LSP1: variants seen among roughly 807,000 people sequenced by gnomAD.
The protein encoded by LSP1 is lymphocyte-specific protein 1.
LSP1 carries 32 observed loss-of-function variants against 49.3 expected under a neutral mutation model. The ratio of observed to expected loss-of-function variants is 0.65; its 90% CI spans 0.49 to 0.87. The LOEUF is 0.87. LSP1 is among the 40% of genes least tolerant of loss of function. The pLI is 0.00. For synonymous variants in LSP1, 179 were observed against 178.8 expected (o/e 1.00, Z -0.01); for missense variants, 428 against 442.6 (o/e 0.97, Z 0.30).
intron 7 of LSP1, among the ~76,000 whole-genome samples, chr11:1,886,060 C>A (rs1249889537): frequency 6.6e-6 from 1 of 151,904 alleles, no homozygotes; most frequent in Non-Finnish European, 1.5e-5. Flanking sequence ...ATCAATATTC[C>A]TCCATCCAAC....
rs376543200 is a variant in LSP1, at chr11:1,884,065, C to T, written c.591+41C>T. 2.8e-5 allele frequency: 44 copies of T among 1,568,888 alleles called. No homozygotes were observed. Among genetic ancestry groups the T allele is most frequent in the Middle Eastern group, 3.4e-4 (2 of 5,888 alleles). On this transcript the variant is annotated intron_variant, in intron 5 of 10. Transcript: ENST00000311604. This position sits in a 1 kb window ranked among gnomAD's most constrained non-coding sequence, Gnocchi z 4.1. ...AAGCCTGCCATCTTCTCCCCTCTCC[C>T]GTACTCATACCCAAAAGGCCAATCC...
rs1193486906 is a variant in LSP1 at position 1,866,836 on chromosome 11, G to T, written c.54-13251G>T. 1.9e-6 allele frequency: 3 copies of T among 1,549,062 alleles called. No individual in the cohort carries two copies. The East Asian group carries it at 7.3e-5, about 38-fold the overall frequency. ...GGCAGAGCCCCTGCCTGGCTGTGCG[G>T]TGGCTCACCCCCTTGTCACCAGGGG... On this transcript the variant is annotated intron_variant, in intron 1 of 10. Transcript: ENST00000311604.
At chr11:1,855,295 G>A (rs548156127) in intron 1 of LSP1, among the ~76,000 whole-genome samples, 4 of 152,324 alleles carry the variant, frequency 2.6e-5, no homozygotes, top group South Asian at 2.1e-4. Flanking sequence ...GCCCCCACAC[G>A]GGAGTCCCCA....
Position 1,884,690 on chromosome 11 carries a change from C to A in LSP1, c.717+109C>A, listed in dbSNP as rs1392276301. 13 of 842,856 alleles carry A rather than the reference C, an allele frequency of 1.5e-5. No individual in the cohort carries two copies. The highest frequency in any genetic ancestry group is 3.2e-4 in the Middle Eastern group (1 of 3,172). The allele number at this position is 842,856 out of a possible 1,614,324, so 52.2% of individuals were successfully genotyped here. A position where few individuals can be genotyped will look rare whatever the true frequency, so the allele number is the denominator to read the frequency against. On this transcript the variant is annotated intron_variant, in intron 7 of 10. Coordinates refer to ENST00000311604, the MANE Select transcript of LSP1 (RefSeq NM_002339.3). The surrounding 1 kb of genome is among the most constrained non-coding windows in gnomAD (Gnocchi z 4.1). Reference sequence around the variant, plus strand: ...TCAGTGCCGCCTTATTCAACCAACACCCTATCCAACCAATGCTTCTCCATC... The same window carrying A: ...TCAGTGCCGCCTTATTCAACCAACAACCTATCCAACCAATGCTTCTCCATC...
At chr11:1,868,648 G>T (rs1480364840) in intron 1 of LSP1, 1 of 985,618 alleles carries the variant, frequency 1.0e-6, no homozygotes, top group African/African-American at 1.7e-5. Context: ...GAGATCCTGA[G>T]GGTGGGGTAG....
chr11:1,867,115 G>T (rs957237103), intron 1 of LSP1, among the ~76,000 whole-genome samples: 1 of 152,164 alleles, frequency 6.6e-6, no homozygotes, highest in Non-Finnish European at 1.5e-5. Context: ...ACAGTGAGGA[G>T]GGGACCTCAC....
At chr11:1,863,634 C>T (rs975297316) in intron 1 of LSP1, 1 of 152,282 alleles carries the variant, frequency 6.6e-6, no homozygotes, top group African/African-American at 2.4e-5. Context: ...GAACATGCGT[C>T]CCATCCCACC....
At chr11:1,886,038 C>T (rs1175459115) in intron 7 of LSP1, among the ~76,000 whole-genome samples, 1 of 151,860 alleles carries the variant, frequency 6.6e-6, no homozygotes, top group African/African-American at 2.4e-5. Flanking sequence ...CCTATCAATG[C>T]TCCTGTATCC....
At position 1,870,355 on chromosome 11, in the gene LSP1, G is replaced by A. The variant is rs1418702227; in HGVS notation, c.54-9732G>A. ...AGCACCCGGGGACATACACCGGGGA[G>A]TCTCCTGGGAAAGAAGTGCCGGCCC... On this transcript the variant is annotated intron_variant, in intron 1 of 10. Transcript: ENST00000311604. 5.5e-6 allele frequency: 7 copies of A among 1,271,162 alleles called. No individual in the cohort carries two copies. In the African/African-American group the frequency reaches 9.2e-5, roughly 17 times the overall value. The allele number at this position is 1,271,162 out of a possible 1,614,324, so 78.7% of individuals were successfully genotyped here. A position where few individuals can be genotyped will look rare whatever the true frequency, so the allele number is the denominator to read the frequency against.
chr11:1,855,256 C>A (rs192230812), intron 1 of LSP1, among the ~76,000 whole-genome samples: 148 of 152,312 alleles, frequency 9.7e-4, no homozygotes, highest in African/African-American at 3.5e-3. Context: ...AAGTCCCCTG[C>A]ACCCAGGCAG....
At chr11:1,868,331 C>G (rs1025183350) in intron 1 of LSP1, among the ~76,000 whole-genome samples, 2 of 152,236 alleles carry the variant, frequency 1.3e-5, no homozygotes, top group Non-Finnish European at 2.9e-5. Flanking sequence ...GCCCCGTGCC[C>G]ACCCTTAGCC....
At chr11:1,888,222 T>A (rs1015350318) in intron 10 of LSP1, among the ~76,000 whole-genome samples, 6 of 152,188 alleles carry the variant, frequency 3.9e-5, no homozygotes, top group Non-Finnish European at 7.4e-5. Context: ...CAGAGGCTTT[T>A]TCTGGTACCT....
In LSP1 at chr11:1,883,319, T is replaced by C. The variant is rs558279442; in HGVS notation, c.357-100T>C. 691 of 1,467,502 alleles carry C rather than the reference T, an allele frequency of 4.7e-4. 2 individuals carry two copies. Among genetic ancestry groups the C allele is most frequent in the Non-Finnish European group, 1.4e-4 (151 of 1,068,694 alleles). The allele number at this position is 1,467,502 out of a possible 1,614,324, so 90.9% of individuals were successfully genotyped here. On this transcript the variant is annotated intron_variant, in intron 3 of 10. Coordinates refer to ENST00000311604, the MANE Select transcript of LSP1 (RefSeq NM_002339.3). ...TTGGCACTCAAGTAGCCTGACTACC[T>C]TCATTTTACAGATGGGGAAACTGAG... is the stretch of plus-strand genomic sequence containing the variant.
chr11:1,890,879 C>T, intron 10 of LSP1: 1 of 423,880 alleles, frequency 2.4e-6, no homozygotes, highest in Non-Finnish European at 4.3e-6. Context: ...CATGCCACCC[C>T]AGCACAAAGC....
intron 1 of LSP1, among the ~76,000 whole-genome samples, chr11:1,856,564 C>A (rs149994743): frequency 3.5e-4 from 54 of 152,374 alleles, no homozygotes; most frequent in African/African-American, 1.2e-3. Flanking sequence ...TCTCTGTGTG[C>A]TGAGCTGAGT....
At chr11:1,890,367 C>T (rs1455303877) in intron 10 of LSP1, 4 of 716,504 alleles carry the variant, frequency 5.6e-6, no homozygotes, top group African/African-American at 1.7e-5. Flanking sequence ...CTGGTCATGG[C>T]TGGCCTCACT....
intron 1 of LSP1, chr11:1,864,461 G>GGGAGGAAGGGAA (rs1353219634): frequency 6.6e-6 from 1 of 152,388 alleles, no homozygotes; most frequent in Admixed American, 6.6e-5. Context: ...CAGAGGCGGA[G>GGGAGGAAGGGAA]GGAGGAAGGG....
At chr11:1,860,880 G>C (rs1847612172) in intron 1 of LSP1, among the ~76,000 whole-genome samples, 2 of 152,182 alleles carry the variant, frequency 1.3e-5, no homozygotes, top group Admixed American at 1.3e-4. Flanking sequence ...CTGGAATATG[G>C]ACATATAAAT....
Position 1,884,766 on chromosome 11 carries a change from C to G in LSP1, c.717+185C>G, listed in dbSNP as rs1351727421. On this transcript the variant is annotated intron_variant, in intron 7 of 10. Transcript: ENST00000311604. The surrounding 1 kb of genome is among the most constrained non-coding windows in gnomAD (Gnocchi z 4.1). ...ATGCCCCTCCATCTAATCAATGTCA[C>G]TCCATGTAATCAATGCCCCCCCTTT... 6.6e-6 allele frequency among the ~76,000 whole-genome samples: 1 copy of G among 151,768 alleles called. No individual in the cohort carries two copies. The highest frequency in any genetic ancestry group is 2.4e-5 in the African/African-American group (1 of 41,248).
Sources: allele counts gnomAD v4.1 joint callset (sites outside exome capture counted in the v4.1 genomes callset), GRCh38; gene constraint gnomAD v4.1.1; non-coding constraint Gnocchi (gnomAD v3.1); transcripts MANE v1.5; gene names NCBI Gene and HGNC (gene_info 2026-07-23, HGNC 2026-07-21).